Variants in SEPTIN9 observed in about 807,000 individuals in gnomAD.
The protein encoded by SEPTIN9 is septin 9.
A neutral mutation model predicts 56.6 loss-of-function variants in SEPTIN9; 13 were observed. The ratio of observed to expected loss-of-function variants is 0.23; its 90% CI spans 0.15 to 0.37. The LOEUF (loss-of-function observed/expected upper bound fraction) is 0.37, where lower values mean the gene tolerates loss of function less well. SEPTIN9 is among the 10% of genes least tolerant of loss of function. SEPTIN9 has a pLI of 1.00. For synonymous variants in SEPTIN9, 332 were observed against 334.1 expected, an observed-to-expected ratio of 0.99 and a Z score of 0.07; for missense variants, 650 against 823.1, an observed-to-expected ratio of 0.79 and a Z score of 2.57.
Position 77,313,538 on chromosome 17 carries a change from C to T in SEPTIN9, c.76+6341C>T, listed in dbSNP as rs1371722517. On this transcript the variant is annotated intron_variant, in intron 2 of 11. Transcript: ENST00000427177. This position sits in a 1 kb window ranked among gnomAD's most constrained non-coding sequence, Gnocchi z 4.5. ...TGCAGCTGGCCTCAGCCTGGGAATC[C>T]GTCTTGCTTGGGAGGCTGTAGGCGG... 6.6e-6 allele frequency among the ~76,000 whole-genome samples: 1 copy of T among 152,082 alleles called. No homozygotes were observed. Among genetic ancestry groups the T allele is most frequent in the Admixed American group, 6.5e-5 (1 of 15,270 alleles).
At position 77,352,882 on chromosome 17, in the gene SEPTIN9, C is replaced by T. The variant is rs367753554; in HGVS notation, c.76+45685C>T. Among the ~76,000 whole-genome samples, 98 of 152,170 alleles carry T rather than the reference C, an allele frequency of 6.4e-4. 2 individuals are homozygous for T. The South Asian group carries it at 0.012, about 19-fold the overall frequency. ...GGCCCAGGCTGGTCTCAAACTCCTG[C>T]GCTCAGGCAATGAGACTTTGCCTCC... On this transcript the variant is annotated intron_variant, in intron 2 of 11. Transcript: ENST00000427177.
At position 77,319,997 on chromosome 17, in the gene SEPTIN9, TG is replaced by T; in HGVS notation, c.76+12801del. Reference sequence around the variant, plus strand: ...ACTCTCGCAGGCAGACCCGGTGGTCTGCCGGACTCCTCGGGGCCCACTTCGG... The same window carrying T: ...ACTCTCGCAGGCAGACCCGGTGGTCTCCGGACTCCTCGGGGCCCACTTCGG... On this transcript the variant is annotated intron_variant, in intron 2 of 11. Coordinates refer to ENST00000427177, the MANE Select transcript of SEPTIN9 (RefSeq NM_001113491.2). The surrounding 1 kb of genome is among the most constrained non-coding windows in gnomAD (Gnocchi z 5.3). 1 of 1,258,092 alleles carries T rather than the reference TG, an allele frequency of 7.9e-7. No individual in the cohort carries two copies. Among genetic ancestry groups the T allele is most frequent in the South Asian group, 2.1e-5 (1 of 48,760 alleles). The allele number at this position is 1,258,092 out of a possible 1,614,324, so 77.9% of individuals were successfully genotyped here.
At position 77,318,786 on chromosome 17, in the gene SEPTIN9, C is replaced by A. The variant is rs531665497; in HGVS notation, c.76+11589C>A. 1.6e-4 allele frequency among the ~76,000 whole-genome samples: 25 copies of A among 152,246 alleles called. No homozygotes were observed. The highest frequency in any genetic ancestry group is 5.9e-4 in the Admixed American group (9 of 15,302). On this transcript the variant is annotated intron_variant, in intron 2 of 11. Transcript: ENST00000427177. The surrounding 1 kb of genome is among the most constrained non-coding windows in gnomAD (Gnocchi z 4.9). ...TGAAGTGGCACTTCAGGGCCTTTGG[C>A]TCTGTCATCTAGCCGAGGGCTGTGC...
intron 1 of SEPTIN9, among the ~76,000 whole-genome samples, chr17:77,303,302 T>C (rs1375700093): frequency 6.6e-6 from 1 of 151,622 alleles, no homozygotes; most frequent in Admixed American, 6.6e-5. Flanking sequence ...GGTTTCCCTA[T>C]GTTGGTCAGG....
rs114113486 is a variant in SEPTIN9, at chr17:77,358,905, C to T, written c.77-43154C>T. On this transcript the variant is annotated intron_variant, in intron 2 of 11. Coordinates refer to ENST00000427177, the MANE Select transcript of SEPTIN9 (RefSeq NM_001113491.2). ...AGAGGCTGAGCAGCACTCGGACCCACGTCCCAGTCCAAGTGTCAGTCGTTA... is the reference window on the plus strand; with the variant it reads ...AGAGGCTGAGCAGCACTCGGACCCATGTCCCAGTCCAAGTGTCAGTCGTTA... 2.8e-3 allele frequency among the ~76,000 whole-genome samples: 425 copies of T among 152,264 alleles called. 4 individuals carry two copies. Among genetic ancestry groups the T allele is most frequent in the African/African-American group, 9.0e-3 (375 of 41,544 alleles).
intron 3 of SEPTIN9, among the ~76,000 whole-genome samples, chr17:77,470,081 A>G (rs868024173): frequency 2.0e-5 from 3 of 150,070 alleles, no homozygotes; most frequent in Admixed American, 6.6e-5. Flanking sequence ...TCACCCATCT[A>G]TCCATCCACT....
intron 2 of SEPTIN9, among the ~76,000 whole-genome samples, chr17:77,383,866 G>C (rs567008210): frequency 3.3e-5 from 5 of 152,268 alleles, no homozygotes; most frequent in Admixed American, 6.5e-5. Context: ...GGAGTCATCA[G>C]CCTCTCAGTG....
At chr17:77,395,542 A>T (rs2144059542) in intron 2 of SEPTIN9, among the ~76,000 whole-genome samples, 1 of 151,972 alleles carries the variant, frequency 6.6e-6, no homozygotes, top group East Asian at 1.9e-4. Flanking sequence ...AAAAAAAAAA[A>T]AAGAACAATA....
chr17:77,336,099 G>A (rs74000205), intron 2 of SEPTIN9, among the ~76,000 whole-genome samples: 3,295 of 152,096 alleles, frequency 0.022, 111 homozygotes, highest in African/African-American at 0.074. Context: ...ACACTATTGT[G>A]TTTTCTTGAT....
In SEPTIN9 at chr17:77,370,971, A is replaced by C. The variant is rs145223912; in HGVS notation, c.77-31088A>C. Among the ~76,000 whole-genome samples, 109 of 152,324 alleles carry C rather than the reference A, an allele frequency of 7.2e-4. No homozygotes were observed. In the East Asian group the frequency reaches 0.019, roughly 27 times the overall value. ...GATTGTCCTTGAATGTGGAAAAGGT[A>C]ATTATGACTTGAAGGGTGGTGCCCA... On this transcript the variant is annotated intron_variant, in intron 2 of 11. Transcript: ENST00000427177.
intron 3 of SEPTIN9, among the ~76,000 whole-genome samples, chr17:77,471,288 C>T (rs986265391): frequency 6.6e-6 from 1 of 152,196 alleles, no homozygotes; most frequent in South Asian, 2.1e-4. Context: ...TACCCCCAAG[C>T]AGGCCGTGCC....
chr17:77,488,700 G>A lies in SEPTIN9; in HGVS notation c.1125-27G>A, dbSNP rs114488032. On this transcript the variant is annotated intron_variant, in intron 6 of 11. Coordinates refer to ENST00000427177, the MANE Select transcript of SEPTIN9 (RefSeq NM_001113491.2). ...CTTGGGGAGGGCATCTCATGTGCCTGCTGACTCGTCCCCATCCCCCACGCA... is the reference window on the plus strand; with the variant it reads ...CTTGGGGAGGGCATCTCATGTGCCTACTGACTCGTCCCCATCCCCCACGCA... 4,722 of 1,612,960 alleles carry A rather than the reference G, an allele frequency of 2.9e-3. 135 individuals are homozygous for A. The African/African-American group carries it at 0.055, about 19-fold the overall frequency.
intron 3 of SEPTIN9, among the ~76,000 whole-genome samples, chr17:77,454,697 A>AGCCTCTTCCTCCTCTCT (rs1185556447): frequency 6.6e-6 from 1 of 152,184 alleles, no homozygotes; most frequent in East Asian, 1.9e-4. Flanking sequence ...GCCGCCGCTC[A>AGCCTCTTCCTCCTCTCT]GCCTCTTCCT....
At chr17:77,423,969 T>TG (rs11423065) in intron 3 of SEPTIN9, among the ~76,000 whole-genome samples, 138,639 of 152,270 alleles carry the variant, frequency 0.91, 63,318 homozygotes, top group East Asian at 1. Context: ...TGCCAGGGCA[T>TG]GTCGCTGGGA....
At chr17:77,488,196 G>A in intron 5 of SEPTIN9, 44 bp from the exon 6 acceptor site, 1 of 1,583,784 alleles carries the variant, frequency 6.3e-7, no homozygotes, top group Non-Finnish European at 8.7e-7. Flanking sequence ...GTCTGTGAGG[G>A]TCTTCCGTCT....
chr17:77,490,097 G>T (rs956256687), intron 7 of SEPTIN9, among the ~76,000 whole-genome samples: 2 of 152,266 alleles, frequency 1.3e-5, no homozygotes, highest in Non-Finnish European at 1.5e-5. Context: ...TGGGGCAGGG[G>T]CGGGCCTTGG....
chr17:77,298,662 G>T (rs2031915408), intron 1 of SEPTIN9, among the ~76,000 whole-genome samples: 2 of 152,162 alleles, frequency 1.3e-5, no homozygotes, highest in Non-Finnish European at 2.9e-5. Flanking sequence ...TGCCCCAAGG[G>T]TATGTGGAGA....
intron 8 of SEPTIN9, 130 bp downstream of exon 8, chr17:77,490,989 G>T: frequency 1.3e-6 from 1 of 768,908 alleles, no homozygotes; most frequent in Non-Finnish European, 2.2e-6. Flanking sequence ...TCTCCCCAGC[G>T]GGTGGCTGGC....
intron 4 of SEPTIN9, among the ~76,000 whole-genome samples, chr17:77,484,748 G>GTGGTGA (rs2039634877): frequency 1.2e-4 from 6 of 48,520 alleles, no homozygotes; most frequent in African/African-American, 6.4e-4. Flanking sequence ...GGTGGTGGTG[G>GTGGTGA]TTGTGATGGT....
Sources: allele counts gnomAD v4.1 joint callset (sites outside exome capture counted in the v4.1 genomes callset), GRCh38; gene constraint gnomAD v4.1.1; non-coding constraint Gnocchi (gnomAD v3.1); transcripts MANE v1.5; gene names NCBI Gene and HGNC (gene_info 2026-07-23, HGNC 2026-07-21).